The following DLG2 variants were observed in gnomAD, a reference collection of about 807,000 sequenced individuals.
DLG2 encodes disks large homolog 2.
Under a neutral mutation model 132.5 loss-of-function variants are expected in DLG2, and 45 were observed. That is an observed-to-expected ratio of 0.34 (90% CI 0.27 to 0.44). DLG2 has a LOEUF of 0.44. Ranked by LOEUF, DLG2 falls within the 20% of genes least tolerant of loss-of-function variation. The pLI is 1.00. For synonymous variants in DLG2, 424 were observed against 419.6 expected, an observed-to-expected ratio of 1.01 and a Z score of -0.13; for missense variants, 1,045 against 1,196.9, an observed-to-expected ratio of 0.87 and a Z score of 1.87.
At chr11:85,485,220 G>T (rs983539987) in intron 3 of DLG2, among the ~76,000 whole-genome samples, 2 of 152,012 alleles carry the variant, frequency 1.3e-5, no homozygotes, top group Non-Finnish European at 2.9e-5. Flanking sequence ...GGAGAGGGGG[G>T]AGGGATAGCA....
At chr11:85,590,823 A>G (rs2079275137) in intron 3 of DLG2, among the ~76,000 whole-genome samples, 1 of 152,136 alleles carries the variant, frequency 6.6e-6, no homozygotes, top group African/African-American at 2.4e-5. Flanking sequence ...CCAAATTTTC[A>G]CTTATTATGT....
chr11:84,029,176 T>C (rs1294803784), intron 11 of DLG2, among the ~76,000 whole-genome samples: 1 of 152,100 alleles, frequency 6.6e-6, no homozygotes, highest in Non-Finnish European at 1.5e-5. Context: ...GCTCAATCAG[T>C]TACTATTTTC....
At chr11:84,505,995 G>A (rs1470685659) in intron 7 of DLG2, among the ~76,000 whole-genome samples, 1 of 151,738 alleles carries the variant, frequency 6.6e-6, no homozygotes, top group Non-Finnish European at 1.5e-5. Flanking sequence ...TGGCTTTGCA[G>A]ATGTGATTAA....
intron 6 of DLG2, among the ~76,000 whole-genome samples, chr11:84,669,806 T>C (rs908619158): frequency 6.6e-6 from 1 of 152,174 alleles, no homozygotes; most frequent in Non-Finnish European, 1.5e-5. Flanking sequence ...AGTACCTCCT[T>C]GGAGATCCTC....
At chr11:83,678,748 T>G (rs1030501379) in intron 18 of DLG2, among the ~76,000 whole-genome samples, 3 of 152,144 alleles carry the variant, frequency 2.0e-5, no homozygotes, top group African/African-American at 7.2e-5. Context: ...GCCACAGATA[T>G]GGGGAAATTT....
At chr11:83,832,120 T>A (rs751660346) in intron 17 of DLG2, among the ~76,000 whole-genome samples, 16 of 152,198 alleles carry the variant, frequency 1.1e-4, no homozygotes, top group Non-Finnish European at 2.1e-4. Flanking sequence ...TCAGAGTGAT[T>A]GTGAGAAGAA....
chr11:85,315,299 A>G (rs1196750762), intron 3 of DLG2, among the ~76,000 whole-genome samples: 2 of 151,924 alleles, frequency 1.3e-5, no homozygotes, highest in Non-Finnish European at 2.9e-5. Context: ...GCATGAGCCA[A>G]CTTTAACTCC....
At chr11:84,474,187 C>T (rs1040859088) in intron 7 of DLG2, among the ~76,000 whole-genome samples, 1 of 152,038 alleles carries the variant, frequency 6.6e-6, no homozygotes, top group Admixed American at 6.6e-5. Context: ...ATCCACAGCC[C>T]TCTCCTTATT....
chr11:84,129,945 TC>T (rs1354949565), intron 9 of DLG2, among the ~76,000 whole-genome samples: 2 of 152,012 alleles, frequency 1.3e-5, no homozygotes, highest in East Asian at 3.8e-4. Flanking sequence ...AATATATAAA[TC>T]CTATATTAAA....
intron 7 of DLG2, among the ~76,000 whole-genome samples, chr11:84,443,965 C>T (rs1157856106): frequency 6.7e-6 from 1 of 148,992 alleles, no homozygotes; most frequent in Non-Finnish European, 1.5e-5. Flanking sequence ...TATTTTCTTT[C>T]TAAGCAATTT....
intron 3 of DLG2, among the ~76,000 whole-genome samples, chr11:85,551,573 T>C (rs747620451): frequency 6.6e-6 from 1 of 152,022 alleles, no homozygotes; most frequent in African/African-American, 2.4e-5. Context: ...ACAAATTAAA[T>C]ATATTTAAAA....
Position 84,032,369 on chromosome 11 carries a change from T to C in DLG2, c.919+26946A>G, listed in dbSNP as rs74702167. On this transcript the variant is annotated intron_variant, in intron 11 of 27. Transcript: ENST00000376104. ...CTTTATCACTGATGTGGAGAAAGTT[T>C]TAGTGGTCGAGATAAATATCAAACT... Among the ~76,000 whole-genome samples, 912 of 152,256 alleles carry C rather than the reference T, an allele frequency of 6.0e-3. 9 individuals are homozygous for C. The highest frequency in any genetic ancestry group is 0.021 in the African/African-American group (879 of 41,562).
chr11:83,797,450 AT>A (rs747420173), intron 17 of DLG2, among the ~76,000 whole-genome samples: 2 of 152,098 alleles, frequency 1.3e-5, no homozygotes, highest in Non-Finnish European at 2.9e-5. Flanking sequence ...TTGCTAACAT[AT>A]GACAAAGTCA....
At position 85,511,482 on chromosome 11, in the gene DLG2, A is replaced by T. The variant is rs557611067; in HGVS notation, c.40+87175T>A. ...CAATGGCATCTCTCTTAGAACAGAG[A>T]TTATAACATTTTAACAACTGAACCC... On this transcript the variant is annotated intron_variant, in intron 3 of 27. Coordinates refer to ENST00000376104, the MANE Select transcript of DLG2 (RefSeq NM_001142699.3). Among the ~76,000 whole-genome samples the T allele has an allele frequency of 2.0e-3, 299 of 152,136 alleles. 2 individuals carry two copies. Among genetic ancestry groups the T allele is most frequent in the Non-Finnish European group, 1.4e-3 (96 of 67,976 alleles).
chr11:85,570,834 A>G (rs767466143), intron 3 of DLG2, among the ~76,000 whole-genome samples: 1 of 151,968 alleles, frequency 6.6e-6, no homozygotes, highest in Non-Finnish European at 1.5e-5. Context: ...CATAATCTCA[A>G]CTGATTTATC....
At chr11:83,706,076 G>C (rs969579113) in intron 18 of DLG2, among the ~76,000 whole-genome samples, 2 of 151,970 alleles carry the variant, frequency 1.3e-5, no homozygotes, top group African/African-American at 4.8e-5. Context: ...AAATTAGCTG[G>C]GCATGGTGGC....
rs544516799 is a variant in DLG2 at position 85,107,742 on chromosome 11, T to C, written c.357+3919A>G. The stretch of plus-strand genomic sequence containing the variant: ...GTAAGGGTAAGGAAGGCTATCATTC[T>C]AGTGATTAATATAGCCGCACGATAG... On this transcript the variant is annotated intron_variant, in intron 6 of 27. Transcript: ENST00000376104. Among the ~76,000 whole-genome samples the C allele has an allele frequency of 2.6e-5, 4 of 152,072 alleles. No homozygotes were observed. In the South Asian group the frequency reaches 8.3e-4, roughly 32 times the overall value.
At chr11:85,105,640 T>A (rs1285908892) in intron 6 of DLG2, among the ~76,000 whole-genome samples, 1 of 151,990 alleles carries the variant, frequency 6.6e-6, no homozygotes, top group East Asian at 1.9e-4. Context: ...ACGCTGCAAT[T>A]TTCTGCAATT....
chr11:83,603,890 T>C (rs938221547), intron 19 of DLG2, among the ~76,000 whole-genome samples: 4 of 152,206 alleles, frequency 2.6e-5, no homozygotes, highest in African/African-American at 7.2e-5. Context: ...TTTTACCAGC[T>C]ATGCAAGTTG....
Sources: allele counts gnomAD v4.1 joint callset (sites outside exome capture counted in the v4.1 genomes callset), GRCh38; gene constraint gnomAD v4.1.1; transcripts MANE v1.5; gene names NCBI Gene and HGNC (gene_info 2026-07-23, HGNC 2026-07-21).